Variants in VPS13D observed in about 807,000 individuals in gnomAD.
VPS13D encodes intermembrane lipid transfer protein VPS13D.
Under a neutral mutation model 461.9 loss-of-function variants are expected in VPS13D, and 187 were observed. The ratio of observed to expected loss-of-function variants is 0.40; its 90% confidence interval spans 0.36 to 0.46. VPS13D has a LOEUF of 0.46. VPS13D is among the 20% of genes least tolerant of loss of function. VPS13D has a pLI of 0.60. For missense variants in VPS13D, 4,711 were observed against 5,364.9 expected, an observed-to-expected ratio of 0.88 and a Z score of 3.81; for synonymous variants, 1,951 against 1,986.3, an observed-to-expected ratio of 0.98 and a Z score of 0.47.
chr1:12,290,305 C>T (rs902223431), intron 22 of VPS13D, among the ~76,000 whole-genome samples: 11 of 152,154 alleles, frequency 7.2e-5, no homozygotes, highest in African/African-American at 2.4e-4. Context: ...GTTTCTGACA[C>T]GTCCTCCTTT....
intron 60 of VPS13D, among the ~76,000 whole-genome samples, chr1:12,396,491 CT>C (rs893234087): frequency 3.3e-5 from 5 of 152,246 alleles, no homozygotes; most frequent in Non-Finnish European, 7.4e-5. Context: ...ACTTGGAACG[CT>C]TTTCCTTTAT....
In VPS13D at chr1:12,356,403, C is replaced by T. The variant is rs1486651697; in HGVS notation, c.9877C>T (p.Pro3293Ser). The change falls in exon 49 of 70, where the codon CCA becomes TCA. Residue 3293 changes from proline to serine, a missense_variant. This residue lies in a region of VPS13D where 4,411 missense variants were observed against 4,937.8 expected (regional missense o/e 0.89). Transcript: ENST00000620676. ...CTTTTCTCTCCTTCCTAAAGGGTTGCCACTGATCTTCAGACAGGACAATGC... is the reference window on the plus strand; with the variant it reads ...CTTTTCTCTCCTTCCTAAAGGGTTGTCACTGATCTTCAGACAGGACAATGC... ...PYWLINKTGL[P>S]LIFRQDNAKT... 1.2e-6 allele frequency: 2 copies of T among 1,613,472 alleles called. No homozygotes were observed. Among genetic ancestry groups the T allele is most frequent in the Non-Finnish European group, 1.7e-6 (2 of 1,179,738 alleles).
At chr1:12,423,777 C>T (rs545091921) in intron 65 of VPS13D, among the ~76,000 whole-genome samples, 1 of 152,278 alleles carries the variant, frequency 6.6e-6, no homozygotes, top group East Asian at 1.9e-4. Flanking sequence ...TATACTATGA[C>T]CTTGTTGAGG....
intron 39 of VPS13D, 72 bp from the exon 40 acceptor site, chr1:12,338,159 C>A: frequency 7.5e-7 from 1 of 1,338,422 alleles, no homozygotes; most frequent in Non-Finnish European, 1.1e-6. Context: ...TTGTGCTTAT[C>A]GTTTGGAAGC....
At chr1:12,415,359 C>A in intron 64 of VPS13D, 138 bp downstream of exon 64, 1 of 1,137,096 alleles carries the variant, frequency 8.8e-7, no homozygotes, top group Non-Finnish European at 1.3e-6. Context: ...CGGGTCAGGT[C>A]ACTTCCCAAG....
chr1:12,268,274 A>G (rs1310457398), intron 15 of VPS13D, among the ~76,000 whole-genome samples: 5 of 135,436 alleles, frequency 3.7e-5, no homozygotes, highest in Non-Finnish European at 7.8e-5. Context: ...TTTTTTTAAT[A>G]ATTTAAAAAT....
chr1:12,416,218 C>T (rs989079964), intron 64 of VPS13D, among the ~76,000 whole-genome samples: 3 of 152,140 alleles, frequency 2.0e-5, no homozygotes, highest in Non-Finnish European at 4.4e-5. Context: ...TAAGTCTCTC[C>T]ATGCCTTCTT....
intron 65 of VPS13D, among the ~76,000 whole-genome samples, chr1:12,425,716 G>C (rs1644916782): frequency 6.6e-6 from 1 of 151,806 alleles, no homozygotes; most frequent in Non-Finnish European, 1.5e-5. Context: ...AGGAAGAGAG[G>C]GAGGGAGGGA....
At chr1:12,501,158 C>T (rs947519653) in intron 68 of VPS13D, among the ~76,000 whole-genome samples, 1 of 152,030 alleles carries the variant, frequency 6.6e-6, no homozygotes, top group East Asian at 1.9e-4. Context: ...ATGCTGTTTA[C>T]GATTTTTGTA....
At position 12,321,823 on chromosome 1, in the gene VPS13D, A is replaced by C; in HGVS notation, c.7563A>C (p.Arg2521=). The C allele has an allele frequency of 6.2e-7, 1 of 1,601,850 alleles. No individual in the cohort carries two copies. Among genetic ancestry groups the C allele is most frequent in the South Asian group, 1.1e-5 (1 of 88,382 alleles). The change falls in exon 33 of 70, where the codon CGA becomes CGC. Residue 2521 remains arginine, a synonymous_variant. Coordinates refer to ENST00000620676, the MANE Select transcript of VPS13D (RefSeq NM_015378.4). ...SLFGIEVFSC[R]LGNEHDTALS... is the part of the protein sequence containing the mutation. ...TCATTCTGTAGGTGTTTTCATGCCG[A>C]CTAGGGAATGAGCATGATACAGCTC...
chr1:12,345,571 T>A lies in VPS13D; in HGVS notation c.9021+62T>A, dbSNP rs75279175. 486 of 1,551,412 alleles carry A rather than the reference T, an allele frequency of 3.1e-4. 4 individuals are homozygous for A. In the African/African-American group the frequency reaches 6.1e-3, roughly 20 times the overall value. On this transcript the variant is annotated intron_variant, in intron 43 of 69. Coordinates refer to ENST00000620676, the MANE Select transcript of VPS13D (RefSeq NM_015378.4). ...TGTCAGGAAGTCAGATGGTTAAGCC[T>A]GTAATAAGCTTACTCTAATGAAACT...
chr1:12,341,985 G>A, intron 41 of VPS13D, 100 bp downstream of exon 41: 1 of 1,005,992 alleles, frequency 9.9e-7, no homozygotes, highest in Non-Finnish European at 1.5e-6. Context: ...AGGCTCTTGG[G>A]ATGATATTTG....
intron 54 of VPS13D, among the ~76,000 whole-genome samples, chr1:12,373,313 A>T (rs183967620): frequency 1.2e-3 from 182 of 150,734 alleles, no homozygotes; most frequent in African/African-American, 4.1e-3. Flanking sequence ...TAGAGACGGG[A>T]TTTTGCCGTG....
At chr1:12,499,291 A>G (rs1442783609) in intron 68 of VPS13D, 1 of 201,380 alleles carries the variant, frequency 5.0e-6, no homozygotes, top group Non-Finnish European at 8.8e-6. Flanking sequence ...GGTACCCAGT[A>G]CATATAGCCA....
rs764983340 is a variant in VPS13D, at chr1:12,319,519, A to G, written c.7437A>G (p.Glu2479=). The G allele has an allele frequency of 1.9e-6, 3 of 1,614,118 alleles. No individual in the cohort carries two copies. The highest frequency in any genetic ancestry group is 1.7e-6 in the Non-Finnish European group (2 of 1,180,012). Reference sequence around the variant, plus strand: ...CAGGTACGGAGTTTGTGGTCATTGAAGATGTGTCCTGCTTCGACACCAATG... The same window carrying G: ...CAGGTACGGAGTTTGTGGTCATTGAGGATGTGTCCTGCTTCGACACCAATG... The part of the protein sequence containing the change: ...NVTGTEFVVI[E]DVSCFDTNAI... Residue 2479 remains glutamate (E), a synonymous_variant, in exon 32 of 70, where the codon GAA becomes GAG. Transcript: ENST00000620676.
chr1:12,244,151 TC>T (rs1443418555), intron 3 of VPS13D, 94 bp from the exon 4 acceptor site: 3 of 1,305,442 alleles, frequency 2.3e-6, no homozygotes, highest in Non-Finnish European at 3.1e-6. Flanking sequence ...GTAACAGCAA[TC>T]CATGCTCCTT....
intron 2 of VPS13D, among the ~76,000 whole-genome samples, chr1:12,237,201 A>G (rs906115347): frequency 2.6e-5 from 4 of 152,080 alleles, no homozygotes; most frequent in African/African-American, 9.7e-5. Context: ...GCAAAGTAAC[A>G]TGAGTGTTTA....
chr1:12,427,242 T>TTATTATTATTA (rs1644934905), intron 65 of VPS13D, among the ~76,000 whole-genome samples: 2 of 128,776 alleles, frequency 1.6e-5, no homozygotes, highest in East Asian at 2.1e-4. Flanking sequence ...TTGTCATTAT[T>TTATTATTATTA]TTATTATTAT....
chr1:12,236,100 C>T (rs1640138772), intron 2 of VPS13D, among the ~76,000 whole-genome samples: 1 of 152,130 alleles, frequency 6.6e-6, no homozygotes, highest in African/African-American at 2.4e-5. Flanking sequence ...CCCTTATTTC[C>T]TTTCTAAAAA....
Sources: gnomAD v4.1 joint callset for allele counts (sites outside exome capture counted in the v4.1 genomes callset) on GRCh38, gnomAD v4.1.1 for gene constraint, gnomAD v4.1.1 regional missense constraint, MANE v1.5 for transcripts, NCBI Gene and HGNC (gene_info 2026-07-23, HGNC 2026-07-21) for gene names.